Variants in CMTM3 observed in about 807,000 individuals in gnomAD.
CMTM3 encodes the protein CKLF like MARVEL transmembrane domain containing 3, also known as CKLF-like MARVEL transmembrane domain-containing protein 3.
In CMTM3, 7 loss-of-function variants were observed where a neutral mutation model predicts 18.2. The ratio of observed to expected loss-of-function variants is 0.38; its 90% CI spans 0.22 to 0.72. CMTM3 has a LOEUF of 0.72. CMTM3 is among the 30% of genes least tolerant of loss of function. The probability of loss-of-function intolerance (pLI) is 0.46; values close to 1 mark genes in which losing one functional copy is unlikely to be tolerated. For missense variants in CMTM3, 227 were observed against 249.2 expected, an observed-to-expected ratio of 0.91 and a Z score of 0.60; for synonymous variants, 109 against 111.2, an observed-to-expected ratio of 0.98 and a Z score of 0.12.
Position 66,608,181 on chromosome 16 carries a change from C to A in CMTM3, c.148-128C>A. On this transcript the variant is annotated intron_variant, in intron 1 of 4. Transcript: ENST00000567572. The surrounding 1 kb of genome is among the most constrained non-coding windows in gnomAD (Gnocchi z 5.1). ...ATCTGGCTCTGCCACTTCCCAGCTG[C>A]GGGACTGTGAGCAGTTGGCTTCCCC... is the stretch of plus-strand genomic sequence containing the variant. The A allele has an allele frequency of 1.0e-6, 1 of 964,168 alleles. No individual in the cohort carries two copies. Among genetic ancestry groups the A allele is most frequent in the Non-Finnish European group, 1.6e-6 (1 of 630,640 alleles). 59.7% of individuals were successfully genotyped at this position (964,168 alleles called of 1,614,324 possible).
At position 66,610,688 on chromosome 16, in the gene CMTM3, C is replaced by T. The variant is rs981543412; in HGVS notation, c.520+685C>T. 6.6e-6 allele frequency among the ~76,000 whole-genome samples: 1 copy of T among 152,104 alleles called. No homozygotes were observed. Among genetic ancestry groups the T allele is most frequent in the Admixed American group, 6.5e-5 (1 of 15,278 alleles). On this transcript the variant is annotated intron_variant, in intron 4 of 4. Coordinates refer to ENST00000567572, the MANE Select transcript of CMTM3 (RefSeq NM_181553.4). The surrounding 1 kb of genome is among the most constrained non-coding windows in gnomAD (Gnocchi z 4.6). ...GCAGGCGCTTCTGCCTGGGGAGATG[C>T]TTCTCTGGACCAGGCGGATGTGCCC...
chr16:66,606,900 A>G (rs2015177185), intron 1 of CMTM3, among the ~76,000 whole-genome samples: 1 of 152,252 alleles, frequency 6.6e-6, no homozygotes, highest in Non-Finnish European at 1.5e-5. Context: ...AGGCTGAGGC[A>G]GGAGAATCAC....
In CMTM3 at chr16:66,613,309, A is replaced by G. The variant is rs1049453151; in HGVS notation, c.*672A>G. On this transcript the variant is annotated 3_prime_UTR_variant, in exon 5 of 5. Transcript: ENST00000567572. ...TTCTGGGTCTAAGACTGTTTCAAAG[A>G]AGAGCTCATAGACTGACTGGTCCAG... is the stretch of plus-strand genomic sequence containing the variant. 1.0e-5 allele frequency: 6 copies of G among 598,442 alleles called. No individual in the cohort carries two copies. The highest frequency in any genetic ancestry group is 8.6e-5 in the Admixed American group (3 of 34,992). 37.1% of individuals were successfully genotyped at this position (598,442 alleles called of 1,614,324 possible). A position where few individuals can be genotyped will look rare whatever the true frequency, so the allele number is the denominator to read the frequency against.
At chr16:66,611,689 G>T (rs1248088042) in intron 4 of CMTM3, among the ~76,000 whole-genome samples, 2 of 152,054 alleles carry the variant, frequency 1.3e-5, no homozygotes, top group Non-Finnish European at 2.9e-5. Flanking sequence ...GGGGGTTAGT[G>T]ACTCTGGTGC....
At position 66,609,872 on chromosome 16, in the gene CMTM3, C is replaced by G. The variant is rs371015388; in HGVS notation, c.400-11C>G. 1 of 1,614,044 alleles carries G rather than the reference C, an allele frequency of 6.2e-7. No individual in the cohort carries two copies. The highest frequency in any genetic ancestry group is 1.3e-5 in the African/African-American group (1 of 74,898). On this transcript the variant is annotated splice_polypyrimidine_tract_variant and intron_variant, in intron 3 of 4. Transcript: ENST00000567572. This position sits in a 1 kb window ranked among gnomAD's most constrained non-coding sequence, Gnocchi z 4.4. ...CAGCCCTGTGATGCATCCCATCCAC[C>G]CTGTCCACAGGTGTTTGGCTTCTTT...
In CMTM3 at chr16:66,610,891, G is replaced by A. The variant is rs1409865457; in HGVS notation, c.520+888G>A. 1.3e-5 allele frequency: 5 copies of A among 398,506 alleles called. No individual in the cohort carries two copies. The highest frequency in any genetic ancestry group is 8.2e-5 in the African/African-American group (4 of 48,620). 24.7% of individuals were successfully genotyped at this position (398,506 alleles called of 1,614,324 possible). ...TGGGGATTTGTGAATCCCAGAAACC[G>A]TCCTTCTGCTGAAAATGAATGCCAC... On this transcript the variant is annotated intron_variant, in intron 4 of 4. Transcript: ENST00000567572. The surrounding 1 kb of genome is among the most constrained non-coding windows in gnomAD (Gnocchi z 4.6).
chr16:66,611,550 A>T (rs751607026), intron 4 of CMTM3, among the ~76,000 whole-genome samples: 3 of 152,148 alleles, frequency 2.0e-5, no homozygotes, highest in Non-Finnish European at 4.4e-5. Context: ...TAGGCTGCCC[A>T]CACCCCAGCC....
At chr16:66,607,914 A>T (rs2015220853) in intron 1 of CMTM3, among the ~76,000 whole-genome samples, 1 of 151,222 alleles carries the variant, frequency 6.6e-6, no homozygotes, top group African/African-American at 2.4e-5. Flanking sequence ...GCCTGATCAC[A>T]GCTCACTGCA....
Position 66,608,519 on chromosome 16 carries a change from G to GGAGTC in CMTM3, c.303+56_303+60dup. 6.3e-7 allele frequency: 1 copy of GGAGTC among 1,581,310 alleles called. No homozygotes were observed. Among genetic ancestry groups the GGAGTC allele is most frequent in the Non-Finnish European group, 8.6e-7 (1 of 1,157,154 alleles). On this transcript the variant is annotated intron_variant, in intron 2 of 4. Coordinates refer to ENST00000567572, the MANE Select transcript of CMTM3 (RefSeq NM_181553.4). The surrounding 1 kb of genome is among the most constrained non-coding windows in gnomAD (Gnocchi z 5.1). ...TGCCCTGCACAAAGTGGCCAGATGA[G>GGAGTC]GAGTCCAGAGTCGTGCACTTGGGCC...
Position 66,608,970 on chromosome 16 carries a change from C to T in CMTM3, c.304-465C>T, listed in dbSNP as rs955268822. 6.6e-6 allele frequency among the ~76,000 whole-genome samples: 1 copy of T among 152,084 alleles called. No individual in the cohort carries two copies. On this transcript the variant is annotated intron_variant, in intron 2 of 4. Coordinates refer to ENST00000567572, the MANE Select transcript of CMTM3 (RefSeq NM_181553.4). The surrounding 1 kb of genome is among the most constrained non-coding windows in gnomAD (Gnocchi z 5.1). ...AACCCTTGTCTCTTGACTTCATATCCAGCATCTGCTGCCTCAGGAGGGCTG... is the reference window on the plus strand; with the variant it reads ...AACCCTTGTCTCTTGACTTCATATCTAGCATCTGCTGCCTCAGGAGGGCTG...
Position 66,604,972 on chromosome 16 carries a change from C to G in CMTM3, c.147+20C>G. 6.8e-7 allele frequency: 1 copy of G among 1,475,326 alleles called. No individual in the cohort carries two copies. Among genetic ancestry groups the G allele is most frequent in the Non-Finnish European group, 8.9e-7 (1 of 1,121,598 alleles). The allele number at this position is 1,475,326 out of a possible 1,614,324, so 91.4% of individuals were successfully genotyped here. On this transcript the variant is annotated intron_variant, in intron 1 of 4. Transcript: ENST00000567572. The stretch of plus-strand genomic sequence containing the variant: ...GAGTCGGTGAGTGCGGCGGGACCCT[C>G]GGCCGCCCCGCTAGGACTGCGCGGC...
chr16:66,608,551 C>T lies in CMTM3; in HGVS notation c.303+87C>T, dbSNP rs1373776573. 7.3e-7 allele frequency: 1 copy of T among 1,366,566 alleles called. No homozygotes were observed. The highest frequency in any genetic ancestry group is 1.0e-6 in the Non-Finnish European group (1 of 986,270). 84.7% of individuals were successfully genotyped at this position (1,366,566 alleles called of 1,614,324 possible). ...AGAGTCGTGCACTTGGGCCCTTATCCTTTCTCTAGTGTGCTGGAGTTTGCA... is the reference window on the plus strand; with the variant it reads ...AGAGTCGTGCACTTGGGCCCTTATCTTTTCTCTAGTGTGCTGGAGTTTGCA... On this transcript the variant is annotated intron_variant, in intron 2 of 4. Transcript: ENST00000567572. This position sits in a 1 kb window ranked among gnomAD's most constrained non-coding sequence, Gnocchi z 5.1.
At position 66,612,744 on chromosome 16, in the gene CMTM3, G is replaced by T; in HGVS notation, c.*107G>T. On this transcript the variant is annotated 3_prime_UTR_variant, in exon 5 of 5. Transcript: ENST00000567572. This position sits in a 1 kb window ranked among gnomAD's most constrained non-coding sequence, Gnocchi z 6.0. ...AGGCCTGGACTTCTGAGTTGCAGAG[G>T]GGGCTGCGGACACAGCAGGCCCCCT... is the stretch of plus-strand genomic sequence containing the variant. 2 of 1,134,336 alleles carry T rather than the reference G, an allele frequency of 1.8e-6. No homozygotes were observed. Among genetic ancestry groups the T allele is most frequent in the South Asian group, 1.4e-5 (1 of 74,064 alleles). 70.3% of individuals were successfully genotyped at this position (1,134,336 alleles called of 1,614,324 possible).
chr16:66,609,906 C>T lies in CMTM3; in HGVS notation c.423C>T (p.Ile141=), dbSNP rs758402246. ...AAGVFGFFAT[I]VFATDFYLIF... ...AGGTGTTTGGCTTCTTTGCTACCAT[C>T]GTGTTTGCAACTGATTTCTACCTGA... is the stretch of plus-strand genomic sequence containing the variant. Residue 141 remains isoleucine (I), a synonymous_variant, in exon 4 of 5, where the codon ATC becomes ATT. Coordinates refer to ENST00000567572, the MANE Select transcript of CMTM3 (RefSeq NM_181553.4). The surrounding 1 kb of genome is among the most constrained non-coding windows in gnomAD (Gnocchi z 4.4). 8 of 1,614,036 alleles carry T rather than the reference C, an allele frequency of 5.0e-6. No homozygotes were observed. The highest frequency in any genetic ancestry group is 2.7e-5 in the African/African-American group (2 of 74,914).
chr16:66,606,946 A>G (rs2015179172), intron 1 of CMTM3, among the ~76,000 whole-genome samples: 1 of 152,230 alleles, frequency 6.6e-6, no homozygotes, highest in African/African-American at 2.4e-5. Context: ...GTGAACTGAG[A>G]TCGTGCCACT....
rs562122967 is a variant in CMTM3, at chr16:66,610,632, G to A, written c.520+629G>A. On this transcript the variant is annotated intron_variant, in intron 4 of 4. Coordinates refer to ENST00000567572, the MANE Select transcript of CMTM3 (RefSeq NM_181553.4). The surrounding 1 kb of genome is among the most constrained non-coding windows in gnomAD (Gnocchi z 4.6). ...GTGTGCAGGCAGAAGAGACCAGGCC[G>A]GTGTAGGGAAGAAGGCTGAGAGCAG... Among the ~76,000 whole-genome samples, 12 of 152,288 alleles carry A rather than the reference G, an allele frequency of 7.9e-5. No homozygotes were observed. In the South Asian group the frequency reaches 1.7e-3, roughly 21 times the overall value.
rs16956806 is a variant in CMTM3 at position 66,609,055 on chromosome 16, C to G, written c.304-380C>G. ...CAGAAACTGTGGTCCATGAATGGAT[C>G]GGCCACAAGAGTGTGACAAAGCCGA... On this transcript the variant is annotated intron_variant, in intron 2 of 4. Transcript: ENST00000567572. This position sits in a 1 kb window ranked among gnomAD's most constrained non-coding sequence, Gnocchi z 4.4. Among the ~76,000 whole-genome samples the G allele has an allele frequency of 2.6e-5, 4 of 152,248 alleles. No individual in the cohort carries two copies. The highest frequency in any genetic ancestry group is 2.9e-5 in the Non-Finnish European group (2 of 68,004).
Position 66,609,838 on chromosome 16 carries a change from G to A in CMTM3, c.400-45G>A, listed in dbSNP as rs1349866385. The A allele has an allele frequency of 8.7e-6, 14 of 1,614,208 alleles. No homozygotes were observed. The highest frequency in any genetic ancestry group is 4.4e-5 in the South Asian group (4 of 91,090). Reference sequence around the variant, plus strand: ...GAGGCTGGGGCAGCAGCCTCCCGGAGCAGGGAGTCAGCCCTGTGATGCATC... The same window carrying A: ...GAGGCTGGGGCAGCAGCCTCCCGGAACAGGGAGTCAGCCCTGTGATGCATC... On this transcript the variant is annotated intron_variant, in intron 3 of 4. Transcript: ENST00000567572. The surrounding 1 kb of genome is among the most constrained non-coding windows in gnomAD (Gnocchi z 4.4).
In CMTM3 at chr16:66,610,297, C is replaced by T. The variant is rs539687371; in HGVS notation, c.520+294C>T. Among the ~76,000 whole-genome samples the T allele has an allele frequency of 1.2e-4, 19 of 152,250 alleles. No homozygotes were observed. Among genetic ancestry groups the T allele is most frequent in the East Asian group, 3.9e-4 (2 of 5,156 alleles). ...ACCCCCCTGGGCAGCCAGTCACTCT[C>T]GGGCACCTGTCCACCTGGGATCCAG... is the stretch of plus-strand genomic sequence containing the variant. On this transcript the variant is annotated intron_variant, in intron 4 of 4. Coordinates refer to ENST00000567572, the MANE Select transcript of CMTM3 (RefSeq NM_181553.4). The surrounding 1 kb of genome is among the most constrained non-coding windows in gnomAD (Gnocchi z 4.6).
Sources: gnomAD v4.1 joint callset for allele counts (sites outside exome capture counted in the v4.1 genomes callset) on GRCh38, gnomAD v4.1.1 for gene constraint, Gnocchi (gnomAD v3.1) non-coding constraint, MANE v1.5 for transcripts, NCBI Gene and HGNC (gene_info 2026-07-23, HGNC 2026-07-21) for gene names.